The following CARMIL1 variants were observed in gnomAD, a reference collection of about 807,000 sequenced individuals.
CARMIL1 encodes F-actin-uncapping protein LRRC16A.
Under a neutral mutation model 177.1 loss-of-function variants are expected in CARMIL1, and 90 were observed. The observed-to-expected ratio is 0.51, with a 90% CI of 0.43 to 0.61. CARMIL1 has a LOEUF of 0.61. CARMIL1 is among the 20% of genes least tolerant of loss of function. CARMIL1 has a pLI of 0.00. For synonymous variants in CARMIL1, 577 were observed against 606.2 expected (o/e 0.95, Z 0.71); for missense variants, 1,380 against 1,667.0 (o/e 0.83, Z 3.00).
chr6:25,453,365 A>AT (rs1401898455), intron 8 of CARMIL1, among the ~76,000 whole-genome samples: 5 of 152,046 alleles, frequency 3.3e-5, no homozygotes, highest in Admixed American at 6.5e-5. Context: ...ATACGTTGTC[A>AT]TTTTTTTGTG....
chr6:25,363,325 A>G (rs76300007), intron 2 of CARMIL1, among the ~76,000 whole-genome samples: 7,925 of 152,190 alleles, frequency 0.052, 276 homozygotes, highest in Non-Finnish European at 0.087. Flanking sequence ...GTATTTATTT[A>G]TTTAGGAGCA....
chr6:25,562,146 TG>T (rs533101882), intron 29 of CARMIL1, among the ~76,000 whole-genome samples: 203 of 152,288 alleles, frequency 1.3e-3, no homozygotes, highest in African/African-American at 4.4e-3. Flanking sequence ...AGTTCATTGT[TG>T]CCTCAAGACC....
At chr6:25,495,613 G>T (rs149525851) in intron 16 of CARMIL1, among the ~76,000 whole-genome samples, 6 of 150,236 alleles carry the variant, frequency 4.0e-5, no homozygotes, top group African/African-American at 1.2e-4. Context: ...TCTACTAATA[G>T]TAATAAACTC....
intron 3 of CARMIL1, 73 bp downstream of exon 3, chr6:25,420,237 T>G: frequency 7.3e-7 from 1 of 1,370,872 alleles, no homozygotes; most frequent in South Asian, 1.2e-5. Flanking sequence ...CACTCATGCA[T>G]TCTTACATGT....
rs200766510 is a variant in CARMIL1 at position 25,554,197 on chromosome 6, C to T, written c.2592+101C>T. ...GATGTGATTTCTTTTCTGTATTTCA[C>T]ACTATTACAGCTTTATGGTTTGTGA... On this transcript the variant is annotated intron_variant, in intron 28 of 36. Coordinates refer to ENST00000329474, the MANE Select transcript of CARMIL1 (RefSeq NM_017640.6). The surrounding 1 kb of genome is among the most constrained non-coding windows in gnomAD (Gnocchi z 4.6). 2.4e-6 allele frequency: 2 copies of T among 825,216 alleles called. No homozygotes were observed. The highest frequency in any genetic ancestry group is 5.4e-5 in the East Asian group (2 of 37,160). 51.1% of individuals were successfully genotyped at this position (825,216 alleles called of 1,614,324 possible).
At chr6:25,360,902 A>T (rs975479597) in intron 2 of CARMIL1, among the ~76,000 whole-genome samples, 1 of 152,216 alleles carries the variant, frequency 6.6e-6, no homozygotes, top group Non-Finnish European at 1.5e-5. Flanking sequence ...CCCTTCAAGA[A>T]CTAGAATGCC....
intron 26 of CARMIL1, among the ~76,000 whole-genome samples, chr6:25,549,371 G>C (rs1809836944): frequency 6.6e-6 from 1 of 152,094 alleles, no homozygotes; most frequent in East Asian, 1.9e-4. Flanking sequence ...AGGAGTGCCG[G>C]ACTATTACTC....
Position 25,279,662 on chromosome 6 carries a change from G to C in CARMIL1, c.-134G>C, listed in dbSNP as rs2150113492. The C allele has an allele frequency of 4.0e-5, 29 of 726,068 alleles. No homozygotes were observed. The highest frequency in any genetic ancestry group is 3.4e-5 in the Non-Finnish European group (14 of 414,548). 45.0% of individuals were successfully genotyped at this position (726,068 alleles called of 1,614,324 possible). ...GGGCGCGCGGCAAAATTCTGTCTCC[G>C]CCCCCCCTTTTCTTGCCCACTTCCA... is the stretch of plus-strand genomic sequence containing the variant. On this transcript the variant is annotated 5_prime_UTR_variant, in exon 1 of 37. Coordinates refer to ENST00000329474, the MANE Select transcript of CARMIL1 (RefSeq NM_017640.6).
intron 9 of CARMIL1, among the ~76,000 whole-genome samples, chr6:25,469,532 T>TTGTG (rs35568793): frequency 3.3e-5 from 5 of 151,060 alleles, no homozygotes; most frequent in Admixed American, 6.6e-5. Flanking sequence ...TAAAATCACT[T>TTGTG]TGTGTGTGTG....
chr6:25,502,551 C>CAA lies in CARMIL1; in HGVS notation c.1395+2330_1395+2331dup, dbSNP rs11399077. ...CCCGGGCGACAGCTAGACTCTATCT[C>CAA]AAAAAAAAAAAAAAAGTAAGTTGGT... On this transcript the variant is annotated intron_variant, in intron 17 of 36. Transcript: ENST00000329474. 1.9e-3 allele frequency among the ~76,000 whole-genome samples: 270 copies of CAA among 142,286 alleles called. 1 individual carries two copies. The highest frequency in any genetic ancestry group is 3.0e-3 in the Admixed American group (43 of 14,340). The allele number at this position is 142,286 out of a possible 152,430, so 93.3% of individuals were successfully genotyped here. A position where few individuals can be genotyped will look rare whatever the true frequency, so the allele number is the denominator to read the frequency against.
intron 2 of CARMIL1, among the ~76,000 whole-genome samples, chr6:25,392,819 A>C (rs1046512615): frequency 6.6e-6 from 1 of 152,220 alleles, no homozygotes; most frequent in African/African-American, 2.4e-5. Context: ...TGCCATTTTA[A>C]TAAAATTTAA....
rs185904617 is a variant in CARMIL1, at chr6:25,472,746, T to C, written c.874+225T>C. On this transcript the variant is annotated intron_variant, in intron 11 of 36. Coordinates refer to ENST00000329474, the MANE Select transcript of CARMIL1 (RefSeq NM_017640.6). ...AGTGAAACAAAAGGAAAGGAAGATA[T>C]TATTTTTAATATGTTTTATTAGTTA... 5.5e-4 allele frequency: 288 copies of C among 520,790 alleles called. 1 individual carries two copies. Among genetic ancestry groups the C allele is most frequent in the African/African-American group, 5.1e-3 (264 of 52,240 alleles). 32.3% of individuals were successfully genotyped at this position (520,790 alleles called of 1,614,324 possible). A position where few individuals can be genotyped will look rare whatever the true frequency, so the allele number is the denominator to read the frequency against.
intron 2 of CARMIL1, among the ~76,000 whole-genome samples, chr6:25,404,790 C>G (rs1401370541): frequency 2.0e-5 from 3 of 151,690 alleles, no homozygotes; most frequent in Non-Finnish European, 2.9e-5. Flanking sequence ...GCAGTGTTCC[C>G]TGCTTCACAC....
At chr6:25,382,437 C>T (rs1027331872) in intron 2 of CARMIL1, among the ~76,000 whole-genome samples, 3 of 152,046 alleles carry the variant, frequency 2.0e-5, no homozygotes, top group African/African-American at 2.4e-5. Context: ...AAAGGTGGCA[C>T]GGAGCCAAAG....
chr6:25,494,896 T>G (rs1241860911), intron 15 of CARMIL1, among the ~76,000 whole-genome samples: 2 of 152,216 alleles, frequency 1.3e-5, no homozygotes, highest in African/African-American at 4.8e-5. Flanking sequence ...AGCAATGAAT[T>G]GTTTTATGGA....
chr6:25,545,872 T>C (rs1471740623), intron 26 of CARMIL1, among the ~76,000 whole-genome samples: 1 of 152,166 alleles, frequency 6.6e-6, no homozygotes, highest in Non-Finnish European at 1.5e-5. Context: ...AATAGTAACA[T>C]AAGAACCTGT....
Position 25,600,409 on chromosome 6 carries a change from A to G in CARMIL1, c.3215A>G (p.Asn1072Ser). Residue 1072 changes from asparagine (N) to serine (S), a missense_variant, in exon 33 of 37, where the codon AAT becomes AGT. Coordinates refer to ENST00000329474, the MANE Select transcript of CARMIL1 (RefSeq NM_017640.6). ...TCTCGGAAAAGTAGTGGCTTTCTCA[A>G]TTTAATCAAATCCCGGTCCAAATCC... ...RDSRKSSGFLNLIKSRSKSER... is the reference protein window; with the variant it reads ...RDSRKSSGFLSLIKSRSKSER... 3.7e-6 allele frequency: 6 copies of G among 1,614,012 alleles called. No homozygotes were observed. Among genetic ancestry groups the G allele is most frequent in the Non-Finnish European group, 5.1e-6 (6 of 1,179,898 alleles).
chr6:25,478,214 A>G (rs1036307752), intron 11 of CARMIL1, among the ~76,000 whole-genome samples: 1 of 152,066 alleles, frequency 6.6e-6, no homozygotes, highest in African/African-American at 2.4e-5. Flanking sequence ...TCTTCTAAAT[A>G]AGACAAGAGA....
chr6:25,328,293 G>T (rs756510794), intron 2 of CARMIL1, among the ~76,000 whole-genome samples: 7 of 152,108 alleles, frequency 4.6e-5, no homozygotes, highest in Non-Finnish European at 8.8e-5. Flanking sequence ...TCGAGTCATG[G>T]TAAGGCATTT....
Sources: allele counts gnomAD v4.1 joint callset (sites outside exome capture counted in the v4.1 genomes callset), GRCh38; gene constraint gnomAD v4.1.1; non-coding constraint Gnocchi (gnomAD v3.1); transcripts MANE v1.5; gene names NCBI Gene and HGNC (gene_info 2026-07-23, HGNC 2026-07-21).